TREM1: variants seen among roughly 807,000 people sequenced by gnomAD.
TREM1 encodes triggering receptor expressed on myeloid cells 1, also known as triggering receptor expressed on monocytes 1.
In TREM1, 16 loss-of-function variants were observed where a neutral mutation model predicts 22.4. The observed-to-expected ratio is 0.71, with a 90% CI of 0.48 to 1.08. TREM1 has a LOEUF of 1.08. Ranked by LOEUF, TREM1 falls within the 50% of genes least tolerant of loss-of-function variation. The probability of loss-of-function intolerance (pLI) is 0.00; values close to 1 mark genes in which losing one functional copy is unlikely to be tolerated. For missense variants in TREM1, 283 were observed against 282.9 expected (o/e 1.00, Z 0.00); for synonymous variants, 110 against 111.6 (o/e 0.99, Z 0.09).
At chr6:41,282,346 C>T (rs888093005) in intron 2 of TREM1, 49 bp downstream of exon 2, 1 of 1,438,442 alleles carries the variant, frequency 7.0e-7, no homozygotes, top group Non-Finnish European at 9.6e-7. Context: ...CCACCACTGC[C>T]CCTTTCCTCA....
chr6:41,268,932 T>C (rs1767406699), downstream of TREM1, among the ~76,000 whole-genome samples: 1 of 152,194 alleles, frequency 6.6e-6, no homozygotes, highest in African/African-American at 2.4e-5. Flanking sequence ...TATTTTATTC[T>C]ATTACATGGG....
At chr6:41,272,233 A>C (rs1457291380), downstream of TREM1, among the ~76,000 whole-genome samples, 1 of 152,154 alleles carries the variant, frequency 6.6e-6, no homozygotes, top group Non-Finnish European at 1.5e-5. Context: ...CCTGATGGGA[A>C]CACTCAGTTG....
At chr6:41,272,068 G>A (rs138042021), downstream of TREM1, among the ~76,000 whole-genome samples, 327 of 152,246 alleles carry the variant, frequency 2.1e-3, 2 homozygotes, top group African/African-American at 7.0e-3. Context: ...CCACATACGC[G>A]GTCACCATCT....
chr6:41,275,922 GA>G lies in TREM1; in HGVS notation c.*202del, dbSNP rs1767645643. 1 of 583,566 alleles carries G rather than the reference GA, an allele frequency of 1.7e-6. No homozygotes were observed. Among genetic ancestry groups the G allele is most frequent in the Non-Finnish European group, 3.1e-6 (1 of 326,484 alleles). The allele number at this position is 583,566 out of a possible 1,614,324, so 36.1% of individuals were successfully genotyped here. A position where few individuals can be genotyped will look rare whatever the true frequency, so the allele number is the denominator to read the frequency against. On this transcript the variant is annotated 3_prime_UTR_variant, in exon 4 of 4. Transcript: ENST00000244709. The stretch of plus-strand genomic sequence containing the variant: ...TGTTTGGGGCTGTAACTTCTTTTCT[GA>G]GGCACAAATGCCCACCCAAGATTAT...
chr6:41,278,076 C>T (rs181294941), intron 3 of TREM1, among the ~76,000 whole-genome samples: 34 of 149,960 alleles, frequency 2.3e-4, no homozygotes, highest in Admixed American at 1.1e-3. Flanking sequence ...TGCATGCCAC[C>T]ATGCCCTGCT....
chr6:41,267,864 A>G, downstream of TREM1: 1 of 398,200 alleles, frequency 2.5e-6, no homozygotes, highest in Non-Finnish European at 4.4e-6. Flanking sequence ...AAAATAAGAC[A>G]AAAGCTAAAG....
intron 3 of TREM1, among the ~76,000 whole-genome samples, chr6:41,279,039 C>T (rs558640158): frequency 3.9e-5 from 6 of 152,180 alleles, no homozygotes; most frequent in Non-Finnish European, 7.3e-5. Context: ...CATGCCCCAG[C>T]AGCAAAGAAT....
chr6:41,281,711 C>T, intron 2 of TREM1: 1 of 160,842 alleles, frequency 6.2e-6, no homozygotes, highest in Admixed American at 5.8e-5. Context: ...TTCCTTAATG[C>T]AACATCTCCT....
rs553884504 is a variant in TREM1, at chr6:41,268,143, G to A, written c.600-55C>T. 19 of 398,358 alleles carry A rather than the reference G, an allele frequency of 4.8e-5. No homozygotes were observed. In the East Asian group the frequency reaches 6.4e-4, roughly 13 times the overall value. The allele number at this position is 398,358 out of a possible 1,614,324, so 24.7% of individuals were successfully genotyped here. The stretch of plus-strand genomic sequence containing the variant: ...GTCAGGGAGCCCATACAGGAGATAG[G>A]CAAGGACGTTTCACTTGGCATCCTT... On this transcript the variant is annotated intron_variant, in intron 3 of 3. Transcript: ENST00000589614.
intron 1 of TREM1, among the ~76,000 whole-genome samples, chr6:41,283,567 C>A (rs1382757695): frequency 6.6e-6 from 1 of 152,102 alleles, no homozygotes; most frequent in East Asian, 1.9e-4. Flanking sequence ...AAAAAATTAG[C>A]CAGGCATGGT....
At chr6:41,280,707 CCT>C (rs1310098271) in intron 3 of TREM1, 1 of 1,425,542 alleles carries the variant, frequency 7.0e-7, no homozygotes, top group Non-Finnish European at 9.1e-7. Flanking sequence ...ATGCCATTTC[CCT>C]CTCTTTAATA....
downstream of TREM1, among the ~76,000 whole-genome samples, chr6:41,272,436 C>G (rs1008232198): frequency 4.6e-5 from 7 of 152,228 alleles, no homozygotes; most frequent in Admixed American, 1.3e-4. Context: ...CGGGTTCAAG[C>G]CTTTCTGCTA....
In TREM1 at chr6:41,279,514, G is replaced by GA. The variant is rs200624147; in HGVS notation, c.599+1446dup. The GA allele has an allele frequency of 8.7e-3, 6,761 of 774,408 alleles. 14 individuals are homozygous for GA. Among genetic ancestry groups the GA allele is most frequent in the African/African-American group, 0.028 (1,454 of 52,742 alleles). 48.0% of individuals were successfully genotyped at this position (774,408 alleles called of 1,614,324 possible). ...TATGTATTGCAAAATGAAAGTAGAG[G>GA]AAAAAAAAAAATTGACTCTTAGTAG... On this transcript the variant is annotated intron_variant, in intron 3 of 3. Coordinates refer to ENST00000244709, the MANE Select transcript of TREM1 (RefSeq NM_018643.5).
At chr6:41,268,112 G>T in intron 3 of TREM1, 1 of 398,574 alleles carries the variant, frequency 2.5e-6, no homozygotes, top group Non-Finnish European at 4.4e-6. Context: ...CGGGGGAAAT[G>T]ATTGGGTCAG....
Position 41,273,995 on chromosome 6 carries a change from C to T in TREM1, c.*2130G>A, listed in dbSNP as rs1332347269. On this transcript the variant is annotated 3_prime_UTR_variant, in exon 4 of 4. Transcript: ENST00000244709. Reference sequence around the variant, plus strand: ...CCCAGGCAGGATGGGGAGGATGGAGCATGGCGTGGCCTGTAAGTGCAAATG... The same window carrying T: ...CCCAGGCAGGATGGGGAGGATGGAGTATGGCGTGGCCTGTAAGTGCAAATG... Among the ~76,000 whole-genome samples, 3 of 152,210 alleles carry T rather than the reference C, an allele frequency of 2.0e-5. No homozygotes were observed. Among genetic ancestry groups the T allele is most frequent in the Non-Finnish European group, 2.9e-5 (2 of 68,028 alleles).
Position 41,276,049 on chromosome 6 carries a change from T to G in TREM1, c.*76A>C. 9.1e-7 allele frequency: 1 copy of G among 1,097,926 alleles called. No individual in the cohort carries two copies. Among genetic ancestry groups the G allele is most frequent in the Non-Finnish European group, 1.4e-6 (1 of 711,616 alleles). The allele number at this position is 1,097,926 out of a possible 1,614,324, so 68.0% of individuals were successfully genotyped here. A position where few individuals can be genotyped will look rare whatever the true frequency, so the allele number is the denominator to read the frequency against. ...TGTTATTAACTCCCTGCCTTTTACC[T>G]CCTCCCTCCTCCCTTGGCACAACTG... On this transcript the variant is annotated 3_prime_UTR_variant, in exon 4 of 4. Transcript: ENST00000244709.
chr6:41,286,596 C>T lies in TREM1; in HGVS notation c.49+11G>A, dbSNP rs755229371. 2 of 1,613,968 alleles carry T rather than the reference C, an allele frequency of 1.2e-6. No individual in the cohort carries two copies. On this transcript the variant is annotated intron_variant, in intron 1 of 3. Coordinates refer to ENST00000244709, the MANE Select transcript of TREM1 (RefSeq NM_018643.5). The stretch of plus-strand genomic sequence containing the variant: ...AACGCCTCCCCTGCTCAGTCCTCTT[C>T]CTTGTCTTACCTGAGACAAAGAGCA...
chr6:41,286,165 G>A (rs1045514850), intron 1 of TREM1, among the ~76,000 whole-genome samples: 1 of 152,180 alleles, frequency 6.6e-6, no homozygotes, highest in African/African-American at 2.4e-5. Flanking sequence ...TCACGTCTGT[G>A]TCCTCAGCAG....
At chr6:41,270,713 T>C (rs1230279882), downstream of TREM1, among the ~76,000 whole-genome samples, 1 of 152,094 alleles carries the variant, frequency 6.6e-6, no homozygotes, top group Admixed American at 6.5e-5. Flanking sequence ...TTCTTTTGTT[T>C]TTGTCTTTGT....
Sources: gnomAD v4.1 joint callset for allele counts (sites outside exome capture counted in the v4.1 genomes callset) on GRCh38, gnomAD v4.1.1 for gene constraint, MANE v1.5 for transcripts, NCBI Gene and HGNC (gene_info 2026-07-23, HGNC 2026-07-21) for gene names.